TNNI3: variants seen among roughly 807,000 people sequenced by gnomAD.
TNNI3 encodes the protein troponin I, cardiac muscle.
In TNNI3, 23 loss-of-function variants were observed where a neutral mutation model predicts 31.5. The ratio of observed to expected loss-of-function variants is 0.73; its 90% CI spans 0.52 to 1.03. The LOEUF (loss-of-function observed/expected upper bound fraction) is 1.03, where lower values mean the gene tolerates loss of function less well. Among genes scored for constraint, TNNI3 ranks in the 50% least tolerant of loss-of-function variants. The pLI is 0.00. For missense variants in TNNI3, 236 were observed against 282.9 expected, an observed-to-expected ratio of 0.83 and a Z score of 1.19; for synonymous variants, 120 against 111.7, an observed-to-expected ratio of 1.07 and a Z score of -0.47.
At chr19:55,154,947 G>A in intron 5 of TNNI3, 117 bp from the exon 6 acceptor site, 1 of 848,824 alleles carries the variant, frequency 1.2e-6, no homozygotes, top group Admixed American at 2.0e-5. Flanking sequence ...GGGAGGAGAA[G>A]GGGCTGGGGG....
At position 55,154,144 on chromosome 19, in the gene TNNI3, C is replaced by T. The variant is rs1599909215; in HGVS notation, c.435G>A (p.Arg145=). 6.2e-7 allele frequency: 1 copy of T among 1,613,450 alleles called. No individual in the cohort carries two copies. The highest frequency in any genetic ancestry group is 8.5e-7 in the Non-Finnish European group (1 of 1,180,020). Residue 145 remains arginine, a synonymous_variant, in exon 7 of 8, where the codon CGG becomes CGA. Coordinates refer to ENST00000344887, the MANE Select transcript of TNNI3 (RefSeq NM_000363.5). ...TGGCATCTGCAGAGATCCTCACTCT[C>T]CGCAGGGTGGGCCGCTTAAACTTGC... The part of the protein sequence containing the change: ...LRGKFKRPTL[R]RVRISADAMM...
chr19:55,157,584 C>T lies in TNNI3; in HGVS notation c.6G>A (p.Ala2=), dbSNP rs397516361. The T allele has an allele frequency of 1.9e-5, 31 of 1,613,858 alleles. No homozygotes were observed. The highest frequency in any genetic ancestry group is 1.2e-4 in the African/African-American group (9 of 74,922). ...TGCCTTGGGGCATCACTCACCCATC[C>T]GCCATGCTGAGACTCAGGCCGGGAA... M[A]DGSSDAAREP... The change falls in exon 1 of 8, where the codon GCG becomes GCA. Residue 2 remains alanine (A), a synonymous_variant. Transcript: ENST00000344887. The surrounding 1 kb of genome is among the most constrained non-coding windows in gnomAD (Gnocchi z 6.3).
chr19:55,156,253 C>A lies in TNNI3; in HGVS notation c.230G>T (p.Ser77Ile). The part of the protein sequence containing the change: ...ERRGEKGRAL[S>I]TRCQPLELAG... ...CAACTCCAGCGGCTGGCAGCGGGTG[C>A]TCAGAGCGCGCCCCTTCTCTCCGCG... is the stretch of plus-strand genomic sequence containing the variant. The change falls in exon 5 of 8, where the codon AGC becomes ATC. Residue 77 changes from serine (S) to isoleucine (I), a missense_variant. This residue lies in a region of TNNI3 where 172 missense variants were observed against 171.8 expected (regional missense o/e 1.00). Transcript: ENST00000344887. This position sits in a 1 kb window ranked among gnomAD's most constrained non-coding sequence, Gnocchi z 4.6. 2 of 1,612,280 alleles carry A rather than the reference C, an allele frequency of 1.2e-6. No individual in the cohort carries two copies. The highest frequency in any genetic ancestry group is 1.7e-6 in the Non-Finnish European group (2 of 1,179,748).
rs867749209 is a variant in TNNI3, at chr19:55,156,226, G to A, written c.257C>T (p.Ala86Val). The A allele has an allele frequency of 6.2e-7, 1 of 1,612,548 alleles. No homozygotes were observed. The highest frequency in any genetic ancestry group is 1.1e-5 in the South Asian group (1 of 91,084). Reference protein sequence around the residue: ...LSTRCQPLELAGLGFAELQDL... With the variant: ...LSTRCQPLELVGLGFAELQDL... ...CTGCAGCTCCGCGAAGCCCAGCCCGGCCAACTCCAGCGGCTGGCAGCGGGT... is the reference window on the plus strand; with the variant it reads ...CTGCAGCTCCGCGAAGCCCAGCCCGACCAACTCCAGCGGCTGGCAGCGGGT... The change falls in exon 5 of 8, where the codon GCC becomes GTC. Residue 86 changes from alanine to valine, a missense_variant. Coordinates refer to ENST00000344887, the MANE Select transcript of TNNI3 (RefSeq NM_000363.5). This position sits in a 1 kb window ranked among gnomAD's most constrained non-coding sequence, Gnocchi z 4.6.
In TNNI3 at chr19:55,157,199, C is replaced by A; in HGVS notation, c.25-66G>T. The A allele has an allele frequency of 5.0e-6, 8 of 1,593,764 alleles. No homozygotes were observed. Among genetic ancestry groups the A allele is most frequent in the Non-Finnish European group, 6.8e-6 (8 of 1,170,972 alleles). Reference sequence around the variant, plus strand: ...CCACCCAGCCCTTACCGTACCGCACCCTCTGCTAGGGCTGCAGCCTCCCGC... The same window carrying A: ...CCACCCAGCCCTTACCGTACCGCACACTCTGCTAGGGCTGCAGCCTCCCGC... On this transcript the variant is annotated intron_variant, in intron 2 of 7. Coordinates refer to ENST00000344887, the MANE Select transcript of TNNI3 (RefSeq NM_000363.5). This position sits in a 1 kb window ranked among gnomAD's most constrained non-coding sequence, Gnocchi z 6.3.
In TNNI3 at chr19:55,156,013, G is replaced by A. The variant is rs1328946915; in HGVS notation, c.282+188C>T. 2.6e-5 allele frequency among the ~76,000 whole-genome samples: 4 copies of A among 152,188 alleles called. No homozygotes were observed. Among genetic ancestry groups the A allele is most frequent in the African/African-American group, 9.6e-5 (4 of 41,510 alleles). On this transcript the variant is annotated intron_variant, in intron 5 of 7. Coordinates refer to ENST00000344887, the MANE Select transcript of TNNI3 (RefSeq NM_000363.5). The surrounding 1 kb of genome is among the most constrained non-coding windows in gnomAD (Gnocchi z 4.6). ...GATAGGAGGGCCACATGGTCCTGAA[G>A]GAGTAGGTTGGAGCCAAGACTCCAC...
At chr19:55,154,415 C>T (rs1242251443) in intron 6 of TNNI3, 1 of 635,962 alleles carries the variant, frequency 1.6e-6, no homozygotes, top group East Asian at 2.7e-5. Context: ...CTCAAAACCA[C>T]TGGCATAACC....
At chr19:55,155,790 G>C (rs1373734833) in intron 5 of TNNI3, among the ~76,000 whole-genome samples, 5 of 95,488 alleles carry the variant, frequency 5.2e-5, no homozygotes, top group Non-Finnish European at 6.1e-5. Context: ...AGGGGCTGGG[G>C]CCTGGACTCC....
rs1187858969 is a variant in TNNI3, at chr19:55,156,745, AT to A, written c.109-102del. 7.4e-6 allele frequency: 10 copies of A among 1,348,192 alleles called. No individual in the cohort carries two copies. The highest frequency in any genetic ancestry group is 8.3e-6 in the Non-Finnish European group (8 of 962,700). 83.5% of individuals were successfully genotyped at this position (1,348,192 alleles called of 1,614,324 possible). ...CCCCCAGCAAACCCAGCCGGTCCAGATTTGGGCCCACGTCCAACTTGAGCCC... is the reference window on the plus strand; with the variant it reads ...CCCCCAGCAAACCCAGCCGGTCCAGATTGGGCCCACGTCCAACTTGAGCCC... On this transcript the variant is annotated intron_variant, in intron 3 of 7. Coordinates refer to ENST00000344887, the MANE Select transcript of TNNI3 (RefSeq NM_000363.5). This position sits in a 1 kb window ranked among gnomAD's most constrained non-coding sequence, Gnocchi z 4.6.
rs1464747073 is a variant in TNNI3, at chr19:55,156,672, G to A, written c.109-28C>T. Reference sequence around the variant, plus strand: ...GCCAGGGTGAGATGGAGCAAGGAAGGATCATGGAGGGGGATTCGGAGACGA... The same window carrying A: ...GCCAGGGTGAGATGGAGCAAGGAAGAATCATGGAGGGGGATTCGGAGACGA... On this transcript the variant is annotated intron_variant, in intron 3 of 7. Coordinates refer to ENST00000344887, the MANE Select transcript of TNNI3 (RefSeq NM_000363.5). This position sits in a 1 kb window ranked among gnomAD's most constrained non-coding sequence, Gnocchi z 4.6. 5 of 1,558,812 alleles carry A rather than the reference G, an allele frequency of 3.2e-6. No individual in the cohort carries two copies. Among genetic ancestry groups the A allele is most frequent in the Admixed American group, 1.9e-5 (1 of 51,988 alleles).
chr19:55,152,017 G>A lies in TNNI3; in HGVS notation c.550-100C>T. 9.6e-7 allele frequency: 1 copy of A among 1,042,526 alleles called. No homozygotes were observed. The allele number at this position is 1,042,526 out of a possible 1,614,324, so 64.6% of individuals were successfully genotyped here. Reference sequence around the variant, plus strand: ...CCAGCCTGTGGGGCCACTCTACCCTGGATGCCTAAGTATCTAGTTCTGGAG... The same window carrying A: ...CCAGCCTGTGGGGCCACTCTACCCTAGATGCCTAAGTATCTAGTTCTGGAG... On this transcript the variant is annotated intron_variant, in intron 7 of 7. Coordinates refer to ENST00000344887, the MANE Select transcript of TNNI3 (RefSeq NM_000363.5). This position sits in a 1 kb window ranked among gnomAD's most constrained non-coding sequence, Gnocchi z 4.0.
rs1056257425 is a variant in TNNI3, at chr19:55,156,131, C to A, written c.282+70G>T. The A allele has an allele frequency of 5.6e-6, 9 of 1,611,156 alleles. No individual in the cohort carries two copies. In the African/African-American group the frequency reaches 1.1e-4, roughly 19 times the overall value. ...CCATATTGGACGCCTGGGTCCCGAG[C>A]AGAAGAGGGGATAGAGGCTGTACTG... On this transcript the variant is annotated intron_variant, in intron 5 of 7. Transcript: ENST00000344887. This position sits in a 1 kb window ranked among gnomAD's most constrained non-coding sequence, Gnocchi z 4.6.
chr19:55,154,430 C>A, intron 6 of TNNI3: 1 of 629,554 alleles, frequency 1.6e-6, no homozygotes, highest in Non-Finnish European at 2.8e-6. Context: ...ATAACCTGGT[C>A]CAGCTACATG....
chr19:55,154,195 C>T lies in TNNI3; in HGVS notation c.384G>A (p.Leu128=), dbSNP rs373130533. 22 of 1,612,234 alleles carry T rather than the reference C, an allele frequency of 1.4e-5. No homozygotes were observed. Among genetic ancestry groups the T allele is most frequent in the Middle Eastern group, 1.6e-4 (1 of 6,072 alleles). ...VTKNITEIAD[L]TQKIFDLRGK... ...CTCGAAGGTCAAAGATCTTCTGAGT[C>T]AGATCTGCAATCTGGGGGCACACGA... The change falls in exon 7 of 8, where the codon CTG becomes CTA. Residue 128 remains leucine, a synonymous_variant. Transcript: ENST00000344887.
At chr19:55,154,678 A>G (rs2085715586) in intron 6 of TNNI3, 63 bp downstream of exon 6, 1 of 1,435,638 alleles carries the variant, frequency 7.0e-7, no homozygotes, top group Admixed American at 1.8e-5. Context: ...GGGGTCAGGC[A>G]GAGACCAAGT....
Position 55,156,956 on chromosome 19 carries a change from C to A in TNNI3, c.108+94G>T. ...GCCCCTGAAGCCCCTCCGCGTAGTC[C>A]CCGCCCCCTTCGCAGCCCTGGCTCC... On this transcript the variant is annotated intron_variant, in intron 3 of 7. Transcript: ENST00000344887. This position sits in a 1 kb window ranked among gnomAD's most constrained non-coding sequence, Gnocchi z 4.6. The A allele has an allele frequency of 7.1e-7, 1 of 1,399,712 alleles. No individual in the cohort carries two copies. The highest frequency in any genetic ancestry group is 1.4e-5 in the African/African-American group (1 of 70,356). The allele number at this position is 1,399,712 out of a possible 1,614,324, so 86.7% of individuals were successfully genotyped here. A position where few individuals can be genotyped will look rare whatever the true frequency, so the allele number is the denominator to read the frequency against.
chr19:55,156,976 G>A lies in TNNI3; in HGVS notation c.108+74C>T. The A allele has an allele frequency of 6.7e-7, 1 of 1,490,152 alleles. No individual in the cohort carries two copies. Among genetic ancestry groups the A allele is most frequent in the Non-Finnish European group, 9.1e-7 (1 of 1,103,334 alleles). 92.3% of individuals were successfully genotyped at this position (1,490,152 alleles called of 1,614,324 possible). A position where few individuals can be genotyped will look rare whatever the true frequency, so the allele number is the denominator to read the frequency against. Reference sequence around the variant, plus strand: ...TAGTCCCCGCCCCCTTCGCAGCCCTGGCTCCTCCCCCCACTCCCAGGGTCT... The same window carrying A: ...TAGTCCCCGCCCCCTTCGCAGCCCTAGCTCCTCCCCCCACTCCCAGGGTCT... On this transcript the variant is annotated intron_variant, in intron 3 of 7. Transcript: ENST00000344887. This position sits in a 1 kb window ranked among gnomAD's most constrained non-coding sequence, Gnocchi z 4.6.
chr19:55,156,094 G>T lies in TNNI3; in HGVS notation c.282+107C>A. The T allele has an allele frequency of 6.5e-7, 1 of 1,541,190 alleles. No individual in the cohort carries two copies. The highest frequency in any genetic ancestry group is 8.9e-7 in the Non-Finnish European group (1 of 1,118,628). ...GGAGTCCCACGAACCATATATAATT[G>T]GGTAAGGACAGCCATATTGGACGCC... On this transcript the variant is annotated intron_variant, in intron 5 of 7. Coordinates refer to ENST00000344887, the MANE Select transcript of TNNI3 (RefSeq NM_000363.5). This position sits in a 1 kb window ranked among gnomAD's most constrained non-coding sequence, Gnocchi z 4.6.
In TNNI3 at chr19:55,151,882, G is replaced by A. The variant is rs200085986; in HGVS notation, c.585C>T (p.Ile195=). The A allele has an allele frequency of 2.2e-5, 35 of 1,614,022 alleles. No homozygotes were observed. Among genetic ancestry groups the A allele is most frequent in the Non-Finnish European group, 2.6e-5 (31 of 1,180,006 alleles). ...GGCCCTCCATTCCACTCAGTGCATC[G>A]ATGTTCTTGCGCCAGTCTCCCACCT... ...NREVGDWRKN[I]DALSGMEGRK... Residue 195 remains isoleucine, a synonymous_variant, in exon 8 of 8, where the codon ATC becomes ATT. Transcript: ENST00000344887.
Sources: allele counts gnomAD v4.1 joint callset (sites outside exome capture counted in the v4.1 genomes callset), GRCh38; gene constraint gnomAD v4.1.1; regional missense constraint gnomAD v4.1.1; non-coding constraint Gnocchi (gnomAD v3.1); transcripts MANE v1.5; gene names NCBI Gene and HGNC (gene_info 2026-07-23, HGNC 2026-07-21).